Variants in SPOCK3 observed in about 807,000 individuals in gnomAD.
The protein encoded by SPOCK3 is SPARC (osteonectin), cwcv and kazal like domains proteoglycan 3, also known as testican-3.
Under a neutral mutation model 56.6 loss-of-function variants are expected in SPOCK3, and 30 were observed. The observed-to-expected ratio is 0.53, with a 90% CI of 0.40 to 0.72. The LOEUF (loss-of-function observed/expected upper bound fraction) is 0.72, where lower values mean the gene tolerates loss of function less well. Among genes scored for constraint, SPOCK3 ranks in the 30% least tolerant of loss-of-function variants. The pLI, the probability that SPOCK3 is intolerant of heterozygous loss-of-function variation, is 0.00. For synonymous variants in SPOCK3, 196 were observed against 183.3 expected (o/e 1.07, Z -0.56); for missense variants, 527 against 530.0 (o/e 0.99, Z 0.06).
chr4:167,123,740 CTTTTTTTTT>C (rs901846399), intron 2 of SPOCK3, among the ~76,000 whole-genome samples: 1 of 118,382 alleles, frequency 8.4e-6, no homozygotes, highest in Non-Finnish European at 1.8e-5. Flanking sequence ...CATTTCTTTT[CTTTTTTTTT>C]TTTTTTTTTT....
At chr4:166,862,953 T>A (rs1731393698) in intron 6 of SPOCK3, among the ~76,000 whole-genome samples, 1 of 151,996 alleles carries the variant, frequency 6.6e-6, no homozygotes, top group Non-Finnish European at 1.5e-5. Context: ...TGTAGACACA[T>A]AATCGTCAGA....
At chr4:166,837,355 G>T (rs1302965120) in intron 6 of SPOCK3, among the ~76,000 whole-genome samples, 2 of 152,142 alleles carry the variant, frequency 1.3e-5, no homozygotes, top group Admixed American at 1.3e-4. Context: ...TTAAGGTAGA[G>T]ATGGTGTTTC....
At chr4:166,750,971 C>A (rs914388480) in intron 8 of SPOCK3, among the ~76,000 whole-genome samples, 8 of 152,106 alleles carry the variant, frequency 5.3e-5, no homozygotes, top group Non-Finnish European at 1.0e-4. Context: ...GTGTACTGCA[C>A]AACTCCAACA....
intron 2 of SPOCK3, among the ~76,000 whole-genome samples, chr4:167,064,708 A>G (rs1755936412): frequency 6.6e-6 from 1 of 151,716 alleles, no homozygotes; most frequent in Admixed American, 6.6e-5. Flanking sequence ...TGGCTCTACC[A>G]CTTATTAGCT....
intron 5 of SPOCK3, among the ~76,000 whole-genome samples, chr4:166,896,913 C>T (rs1735443021): frequency 6.6e-6 from 1 of 151,966 alleles, no homozygotes; most frequent in Non-Finnish European, 1.5e-5. Flanking sequence ...CTCAACCCTT[C>T]CCCCCTTCAC....
At chr4:166,952,419 C>G (rs539363793) in intron 4 of SPOCK3, among the ~76,000 whole-genome samples, 9 of 152,094 alleles carry the variant, frequency 5.9e-5, no homozygotes, top group Non-Finnish European at 1.0e-4. Context: ...AACCACTGCT[C>G]AAGGAAATAA....
intron 6 of SPOCK3, among the ~76,000 whole-genome samples, chr4:166,873,023 C>T (rs1732645807): frequency 6.6e-6 from 1 of 152,058 alleles, no homozygotes; most frequent in African/African-American, 2.4e-5. Context: ...AGAGGGAGAG[C>T]TCATTCACGC....
intron 2 of SPOCK3, among the ~76,000 whole-genome samples, chr4:167,075,151 G>T (rs149403607): frequency 2.2e-4 from 34 of 151,742 alleles, no homozygotes; most frequent in African/African-American, 7.7e-4. Flanking sequence ...AAAGCTATTT[G>T]TCAGGAGGAA....
chr4:167,181,900 C>A (rs955138622), intron 2 of SPOCK3, among the ~76,000 whole-genome samples: 2 of 152,074 alleles, frequency 1.3e-5, no homozygotes, highest in Non-Finnish European at 2.9e-5. Context: ...GTGTCTTCTA[C>A]CACTGAAATG....
intron 6 of SPOCK3, among the ~76,000 whole-genome samples, chr4:166,821,717 T>C: frequency 6.6e-6 from 1 of 151,988 alleles, no homozygotes; most frequent in East Asian, 1.9e-4. Context: ...AGCCAGAAAG[T>C]AGATTAGTGG....
In SPOCK3 at chr4:167,216,200, A is replaced by G. The variant is rs192879338; in HGVS notation, c.189+17785T>C. ...ATCTCCCTCTAACGTGACTATACAT[A>G]TATATGAACTGATCCATTATGTGGA... On this transcript the variant is annotated intron_variant, in intron 2 of 10. Transcript: ENST00000357545. 1.9e-4 allele frequency among the ~76,000 whole-genome samples: 29 copies of G among 152,160 alleles called. 2 individuals are homozygous for G. The East Asian group carries it at 4.6e-3, about 24-fold the overall frequency.
At chr4:166,969,192 C>T (rs947324257) in intron 4 of SPOCK3, among the ~76,000 whole-genome samples, 2 of 152,156 alleles carry the variant, frequency 1.3e-5, no homozygotes, top group Non-Finnish European at 2.9e-5. Flanking sequence ...AAGGGACTTG[C>T]ACTGTCTCAG....
intron 2 of SPOCK3, among the ~76,000 whole-genome samples, chr4:167,072,862 C>T (rs1348386791): frequency 2.0e-5 from 3 of 151,850 alleles, no homozygotes; most frequent in Non-Finnish European, 4.4e-5. Context: ...ATCTATTCCA[C>T]ATTTTCATGA....
Position 166,733,597 on chromosome 4 carries a change from C to A in SPOCK3, c.*1324G>T, listed in dbSNP as rs1439165634. The A allele has an allele frequency of 4.6e-5, 7 of 151,944 alleles. No individual in the cohort carries two copies. Among genetic ancestry groups the A allele is most frequent in the African/African-American group, 7.2e-5 (3 of 41,398 alleles). The allele number at this position is 151,944 out of a possible 1,614,324, so 9.4% of individuals were successfully genotyped here. On this transcript the variant is annotated 3_prime_UTR_variant, in exon 11 of 11. Transcript: ENST00000357545. ...AAAGATACCAATACGTAACATTCAA[C>A]AGGTTTTTCCATTTTTATTATGGGC...
chr4:167,197,963 C>T lies in SPOCK3; in HGVS notation c.189+36022G>A, dbSNP rs966322833. Among the ~76,000 whole-genome samples, 15 of 152,238 alleles carry T rather than the reference C, an allele frequency of 9.9e-5. No homozygotes were observed. The South Asian group carries it at 1.2e-3, about 13-fold the overall frequency. The stretch of plus-strand genomic sequence containing the variant: ...CTTTGCAACATTCTTGACAACAATT[C>T]CACTAAGTTGCTGATGTCGCTTGTC... On this transcript the variant is annotated intron_variant, in intron 2 of 10. Coordinates refer to ENST00000357545, the MANE Select transcript of SPOCK3 (RefSeq NM_001040159.2).
intron 2 of SPOCK3, among the ~76,000 whole-genome samples, chr4:167,098,766 T>A (rs2150321016): frequency 6.6e-6 from 1 of 152,164 alleles, no homozygotes; most frequent in South Asian, 2.1e-4. Context: ...GTGGGTTAAC[T>A]CTCACTCTTT....
At chr4:166,788,593 CATA>C (rs1325396001) in intron 7 of SPOCK3, among the ~76,000 whole-genome samples, 1 of 151,532 alleles carries the variant, frequency 6.6e-6, no homozygotes, top group Non-Finnish European at 1.5e-5. Context: ...AATTTATATT[CATA>C]ATATCTGCTT....
chr4:167,073,708 TTTTAA>T, intron 2 of SPOCK3, among the ~76,000 whole-genome samples: 2 of 151,998 alleles, frequency 1.3e-5, no homozygotes, highest in Admixed American at 1.3e-4. Context: ...AAGATGCTAT[TTTTAA>T]TTTATTTCAT....
At chr4:166,834,771 T>C (rs932622998) in intron 6 of SPOCK3, among the ~76,000 whole-genome samples, 6 of 152,230 alleles carry the variant, frequency 3.9e-5, no homozygotes, top group African/African-American at 1.4e-4. Flanking sequence ...GAAGTTTTTT[T>C]GAGTTAGGGA....
Sources: allele counts gnomAD v4.1 joint callset (sites outside exome capture counted in the v4.1 genomes callset), GRCh38; gene constraint gnomAD v4.1.1; transcripts MANE v1.5; gene names NCBI Gene and HGNC (gene_info 2026-07-23, HGNC 2026-07-21).